The following THRB variants were observed in gnomAD, a reference collection of about 807,000 sequenced individuals.
THRB encodes the protein thyroid hormone receptor beta.
THRB carries 12 observed loss-of-function variants against 47.8 expected under a neutral mutation model. That is an observed-to-expected ratio of 0.25 (90% CI 0.16 to 0.41). THRB has a LOEUF of 0.41. Ranked by LOEUF, THRB falls within the 10% of genes least tolerant of loss-of-function variation. The pLI is 1.00. For missense variants in THRB, 348 were observed against 589.2 expected (o/e 0.59, Z 4.24); for synonymous variants, 218 against 212.2 (o/e 1.03, Z -0.24).
rs144975290 is a variant in THRB, at chr3:24,195,390, T to C, written c.23-5056A>G. Among the ~76,000 whole-genome samples, 3 of 152,352 alleles carry C rather than the reference T, an allele frequency of 2.0e-5. No individual in the cohort carries two copies. The East Asian group carries it at 5.8e-4, about 29-fold the overall frequency. ...TCGCCCTTAGTTTGATGAGTAGTAA[T>C]TGACCTATTAATAGCTATTGTTTTA... On this transcript the variant is annotated intron_variant, in intron 4 of 10. Transcript: ENST00000646209.
intron 2 of THRB, among the ~76,000 whole-genome samples, chr3:24,328,230 C>G (rs899447874): frequency 1.6e-4 from 24 of 152,034 alleles, no homozygotes; most frequent in South Asian, 2.1e-4. Context: ...TTATCAATAG[C>G]CTTTATTTTA....
intron 2 of THRB, among the ~76,000 whole-genome samples, chr3:24,304,415 C>T (rs2057185783): frequency 6.6e-6 from 1 of 151,534 alleles, no homozygotes; most frequent in African/African-American, 2.4e-5. Context: ...AAATAAGAAA[C>T]ATCCTTTATA....
At chr3:24,145,089 T>C (rs2035919558) in intron 7 of THRB, among the ~76,000 whole-genome samples, 1 of 151,096 alleles carries the variant, frequency 6.6e-6, no homozygotes, top group South Asian at 2.2e-4. Context: ...GTCATTTTGG[T>C]TCAGTTACTA....
chr3:24,403,572 T>G (rs2067595014), intron 1 of THRB, among the ~76,000 whole-genome samples: 1 of 151,942 alleles, frequency 6.6e-6, no homozygotes, highest in Admixed American at 6.6e-5. Flanking sequence ...AAGGAGTAAA[T>G]CTGTGGCACG....
chr3:24,248,483 G>A (rs1400287818), intron 3 of THRB, among the ~76,000 whole-genome samples: 1 of 151,618 alleles, frequency 6.6e-6, no homozygotes, highest in African/African-American at 2.4e-5. Context: ...CCAAAAGCTG[G>A]GTGCTAGTTT....
At chr3:24,399,684 G>C (rs143010137) in intron 1 of THRB, among the ~76,000 whole-genome samples, 5 of 152,112 alleles carry the variant, frequency 3.3e-5, no homozygotes, top group Non-Finnish European at 5.9e-5. Flanking sequence ...GACTCTTCTG[G>C]CTGAAAAACA....
At chr3:24,219,306 AAC>A (rs1443965890) in intron 4 of THRB, among the ~76,000 whole-genome samples, 1 of 152,122 alleles carries the variant, frequency 6.6e-6, no homozygotes, top group African/African-American at 2.4e-5. Context: ...AAAAAACAAA[AAC>A]AAAAAAATAG....
At chr3:24,188,858 A>AATTATATATATATATATATATATAT (rs369706128) in intron 5 of THRB, among the ~76,000 whole-genome samples, 13 of 94,302 alleles carry the variant, frequency 1.4e-4, no homozygotes, top group Non-Finnish European at 2.1e-4. Flanking sequence ...GATCTCCTCA[A>AATTATATATATATATATATATATAT]ATATATATAT....
chr3:24,357,004 C>G (rs914500631), intron 1 of THRB, among the ~76,000 whole-genome samples: 6 of 150,052 alleles, frequency 4.0e-5, no homozygotes, highest in African/African-American at 1.5e-4. Flanking sequence ...CAGACTTAGA[C>G]TTAAAAATTT....
chr3:24,265,233 G>A (rs924400457), intron 3 of THRB, among the ~76,000 whole-genome samples: 2 of 152,184 alleles, frequency 1.3e-5, no homozygotes, highest in Admixed American at 6.5e-5. Context: ...ATTAGATCAT[G>A]CAAGTAATGA....
At chr3:24,411,326 A>G (rs2068275505) in intron 1 of THRB, among the ~76,000 whole-genome samples, 1 of 151,814 alleles carries the variant, frequency 6.6e-6, no homozygotes, top group Non-Finnish European at 1.5e-5. Context: ...TGGTTATCAA[A>G]TCGACAACTT....
intron 1 of THRB, among the ~76,000 whole-genome samples, chr3:24,350,566 C>G (rs564493469): frequency 6.6e-6 from 1 of 152,236 alleles, no homozygotes; most frequent in South Asian, 2.1e-4. Context: ...AAAGTATATT[C>G]TATATTAGGC....
intron 5 of THRB, among the ~76,000 whole-genome samples, chr3:24,184,786 G>C (rs917138337): frequency 2.6e-5 from 4 of 152,222 alleles, no homozygotes; most frequent in African/African-American, 7.2e-5. Context: ...GAGTGGGGCA[G>C]AGTAGAGAGC....
intron 1 of THRB, among the ~76,000 whole-genome samples, chr3:24,444,689 G>C (rs1033258911): frequency 6.6e-6 from 1 of 152,016 alleles, no homozygotes; most frequent in Non-Finnish European, 1.5e-5. Flanking sequence ...CTGCAACCTT[G>C]TGCCTTCCGG....
At chr3:24,281,290 C>G (rs915753014) in intron 3 of THRB, among the ~76,000 whole-genome samples, 30 of 151,634 alleles carry the variant, frequency 2.0e-4, no homozygotes, top group South Asian at 4.2e-4. Context: ...ATTCAACATT[C>G]TTAAAGAAAA....
At chr3:24,459,091 A>G (rs958584829) in intron 1 of THRB, 5 of 151,944 alleles carry the variant, frequency 3.3e-5, no homozygotes, top group Non-Finnish European at 7.4e-5. Flanking sequence ...TATTTCTCCT[A>G]ATGTTATCCC....
rs775495128 is a variant in THRB, at chr3:24,190,202, T to C, written c.155A>G (p.Glu52Gly). 21 of 1,614,030 alleles carry C rather than the reference T, an allele frequency of 1.3e-5. No individual in the cohort carries two copies. Residue 52 changes from glutamate (E) to glycine (G), a missense_variant, in exon 5 of 11, where the codon GAA (glutamate) becomes GGA (glycine). Glu to Gly is a moderately conservative substitution (Grantham distance 98). Transcript: ENST00000646209. The part of the protein sequence containing the change: ...HSERRSTLKN[E>G]QSSPHLIQTT... The stretch of plus-strand genomic sequence containing the variant: ...CTGGATGAGATGTGGCGACGACTGT[T>C]CATTTTTCAACGTGCTGCGCCTCTC...
intron 1 of THRB, among the ~76,000 whole-genome samples, chr3:24,424,783 T>G (rs2069599376): frequency 6.6e-6 from 1 of 151,968 alleles, no homozygotes; most frequent in Non-Finnish European, 1.5e-5. Context: ...TTTAATTCAC[T>G]TTTATTGTGT....
At chr3:24,405,607 T>C (rs931488422) in intron 1 of THRB, among the ~76,000 whole-genome samples, 3 of 151,896 alleles carry the variant, frequency 2.0e-5, no homozygotes, top group African/African-American at 7.2e-5. Context: ...TTTTTTTCAT[T>C]GTATACAGCT....
Sources: gnomAD v4.1 joint callset for allele counts (sites outside exome capture counted in the v4.1 genomes callset) on GRCh38, gnomAD v4.1.1 for gene constraint, MANE v1.5 for transcripts, NCBI Gene and HGNC (gene_info 2026-07-23, HGNC 2026-07-21) for gene names.